Variants in NEDD4L observed in about 807,000 individuals in gnomAD.
NEDD4L encodes NEDD4 like E3 ubiquitin protein ligase, also known as E3 ubiquitin-protein ligase NEDD4-like.
Under a neutral mutation model 148.9 loss-of-function variants are expected in NEDD4L, and 54 were observed. That is an observed-to-expected ratio of 0.36 (90% CI 0.29 to 0.45). The LOEUF (loss-of-function observed/expected upper bound fraction) is 0.45, where lower values mean the gene tolerates loss of function less well. Among genes scored for constraint, NEDD4L ranks in the 20% least tolerant of loss-of-function variants. The pLI, the probability that NEDD4L is intolerant of heterozygous loss-of-function variation, is 1.00. For synonymous variants in NEDD4L, 433 were observed against 440.7 expected (o/e 0.98, Z 0.22); for missense variants, 856 against 1,233.8 (o/e 0.69, Z 4.59).
At chr18:58,325,666 A>T (rs1444314826) in intron 9 of NEDD4L, among the ~76,000 whole-genome samples, 1 of 152,196 alleles carries the variant, frequency 6.6e-6, no homozygotes, top group Non-Finnish European at 1.5e-5. Flanking sequence ...AATCAGAAAC[A>T]CATGGGAGAG....
chr18:58,243,625 AT>A (rs2046907256), intron 2 of NEDD4L, among the ~76,000 whole-genome samples: 1 of 152,122 alleles, frequency 6.6e-6, no homozygotes, highest in Non-Finnish European at 1.5e-5. Context: ...CGCCTGATTC[AT>A]CTGCCAGCCC....
intron 19 of NEDD4L, among the ~76,000 whole-genome samples, chr18:58,360,212 A>G (rs2045282301): frequency 6.6e-6 from 1 of 152,226 alleles, no homozygotes; most frequent in African/African-American, 2.4e-5. Context: ...CTTTGGACTC[A>G]GGCTTCTTCA....
At chr18:58,377,608 A>G (rs1171754380) in intron 24 of NEDD4L, among the ~76,000 whole-genome samples, 2 of 152,204 alleles carry the variant, frequency 1.3e-5, no homozygotes, top group African/African-American at 4.8e-5. Flanking sequence ...AGCAGGAAGA[A>G]TAAGCCGTAC....
intron 1 of NEDD4L, among the ~76,000 whole-genome samples, chr18:58,143,925 C>T (rs1332606504): frequency 6.6e-6 from 1 of 152,006 alleles, no homozygotes; most frequent in African/African-American, 2.4e-5. Context: ...TATGAGGTAT[C>T]CAGAATATTC....
intron 24 of NEDD4L, among the ~76,000 whole-genome samples, chr18:58,378,133 G>A (rs565135696): frequency 6.6e-6 from 1 of 152,158 alleles, no homozygotes; most frequent in Non-Finnish European, 1.5e-5. Context: ...ATATAGGAAG[G>A]TTCTTTAGGA....
At chr18:58,349,120 G>T (rs182851638) in intron 16 of NEDD4L, among the ~76,000 whole-genome samples, 1 of 151,946 alleles carries the variant, frequency 6.6e-6, no homozygotes, top group Admixed American at 6.6e-5. Flanking sequence ...ATTCCCTAAC[G>T]TGTTAGGCTG....
At chr18:58,095,226 A>T (rs2084314237) in intron 1 of NEDD4L, among the ~76,000 whole-genome samples, 3 of 152,194 alleles carry the variant, frequency 2.0e-5, no homozygotes, top group African/African-American at 7.2e-5. Context: ...ATTGAGCTAC[A>T]CACTGTGCTT....
intron 1 of NEDD4L, among the ~76,000 whole-genome samples, chr18:58,082,971 C>A (rs1344025166): frequency 6.6e-6 from 1 of 152,036 alleles, no homozygotes; most frequent in Non-Finnish European, 1.5e-5. Context: ...TTAAATGTCC[C>A]TTCCTATCAG....
intron 1 of NEDD4L, chr18:58,090,807 G>T (rs1335780654): frequency 6.6e-6 from 1 of 152,186 alleles, no homozygotes; most frequent in Non-Finnish European, 1.5e-5. Flanking sequence ...TTTCATTTGA[G>T]ATTTCAGACT....
chr18:58,318,888 A>G (rs1268100532), intron 6 of NEDD4L, among the ~76,000 whole-genome samples: 1 of 152,004 alleles, frequency 6.6e-6, no homozygotes, highest in African/African-American at 2.4e-5. Flanking sequence ...GGGCAGAGAG[A>G]GCTATTTTAA....
At chr18:58,363,099 T>C (rs2045685701) in intron 19 of NEDD4L, among the ~76,000 whole-genome samples, 1 of 152,244 alleles carries the variant, frequency 6.6e-6, no homozygotes, top group Non-Finnish European at 1.5e-5. Flanking sequence ...AAAGATGATG[T>C]ATTTTTTGCT....
intron 2 of NEDD4L, among the ~76,000 whole-genome samples, chr18:58,227,549 CGT>C (rs2044512432): frequency 6.6e-6 from 1 of 152,160 alleles, no homozygotes; most frequent in African/African-American, 2.4e-5. Flanking sequence ...AATTACCAGA[CGT>C]CCCTGCATGC....
At chr18:58,268,829 G>C (rs1013962416) in intron 5 of NEDD4L, among the ~76,000 whole-genome samples, 1 of 152,050 alleles carries the variant, frequency 6.6e-6, no homozygotes, top group Non-Finnish European at 1.5e-5. Context: ...TTCTGCAGAG[G>C]TTCTGTGTTT....
At position 58,385,960 on chromosome 18, in the gene NEDD4L, G is replaced by A. The variant is rs78709285; in HGVS notation, c.2487+374G>A. Among the ~76,000 whole-genome samples the A allele has an allele frequency of 2.1e-3, 327 of 152,124 alleles. 1 individual carries two copies. The highest frequency in any genetic ancestry group is 4.0e-3 in the Non-Finnish European group (272 of 67,986). On this transcript the variant is annotated intron_variant, in intron 26 of 30. Coordinates refer to ENST00000400345, the MANE Select transcript of NEDD4L (RefSeq NM_001144967.3). ...GTGACAGGTTCCAAGAAGCCCGAGG[G>A]CTCAGAGCTGAATGATGAAGCGCAG... is the stretch of plus-strand genomic sequence containing the variant.
intron 13 of NEDD4L, among the ~76,000 whole-genome samples, chr18:58,338,025 T>C (rs907618220): frequency 1.3e-5 from 2 of 152,232 alleles, no homozygotes. Context: ...TTGGTGCAAG[T>C]CTTGGCAAAT....
intron 24 of NEDD4L, among the ~76,000 whole-genome samples, chr18:58,382,892 A>G (rs1001206624): frequency 2.0e-5 from 3 of 152,192 alleles, no homozygotes; most frequent in Non-Finnish European, 4.4e-5. Context: ...TAGAATTTGG[A>G]TTTCTGGAGT....
At chr18:58,324,914 G>C (rs980180722) in intron 8 of NEDD4L, 82 bp from the exon 9 acceptor site, 55 of 1,294,088 alleles carry the variant, frequency 4.3e-5, no homozygotes, top group Non-Finnish European at 5.4e-5. Flanking sequence ...AAGGAGAAGG[G>C]CATGCAGGGC....
At chr18:58,153,109 C>G (rs961289082) in intron 1 of NEDD4L, among the ~76,000 whole-genome samples, 2 of 152,182 alleles carry the variant, frequency 1.3e-5, no homozygotes, top group Non-Finnish European at 2.9e-5. Context: ...CCCATACTTC[C>G]TGTGGAATGG....
At chr18:58,141,999 T>C (rs558575385) in intron 1 of NEDD4L, among the ~76,000 whole-genome samples, 4 of 145,882 alleles carry the variant, frequency 2.7e-5, no homozygotes, top group Non-Finnish European at 4.5e-5. Context: ...GGGTTTTGTC[T>C]ACCCCACCCC....
Sources: gnomAD v4.1 joint callset for allele counts (sites outside exome capture counted in the v4.1 genomes callset) on GRCh38, gnomAD v4.1.1 for gene constraint, MANE v1.5 for transcripts, NCBI Gene and HGNC (gene_info 2026-07-23, HGNC 2026-07-21) for gene names.